The following HLTF variants were observed in gnomAD, a reference collection of about 807,000 sequenced individuals.
The protein encoded by HLTF is helicase like transcription factor.
Under a neutral mutation model 129.4 loss-of-function variants are expected in HLTF, and 127 were observed. That is an observed-to-expected ratio of 0.98 (90% CI 0.85 to 1.14). HLTF has a LOEUF of 1.14. HLTF is among the 50% of genes most tolerant of loss of function. The pLI is 0.00. For synonymous variants in HLTF, 332 were observed against 388.8 expected (o/e 0.85, Z 1.72); for missense variants, 1,139 against 1,187.1 (o/e 0.96, Z 0.60).
In HLTF at chr3:149,070,816, G is replaced by A. The variant is rs142727377; in HGVS notation, c.894+436C>T. Among the ~76,000 whole-genome samples the A allele has an allele frequency of 6.4e-3, 981 of 152,236 alleles. 7 individuals carry two copies. The highest frequency in any genetic ancestry group is 0.022 in the African/African-American group (913 of 41,544). On this transcript the variant is annotated intron_variant, in intron 7 of 24. Transcript: ENST00000310053. ...CCCCAGCACTTTGGGAGGCCAAGGC[G>A]GGCGGATCACTTGAAGTCAGGAGTT...
intron 4 of HLTF, among the ~76,000 whole-genome samples, chr3:149,073,554 C>T (rs529347997): frequency 2.6e-5 from 4 of 152,060 alleles, no homozygotes; most frequent in Non-Finnish European, 4.4e-5. Context: ...ATTAGCAGAG[C>T]GTGATGGTGT....
At chr3:149,047,881 G>T in intron 17 of HLTF, 147 bp downstream of exon 17, 1 of 502,430 alleles carries the variant, frequency 2.0e-6, no homozygotes, top group South Asian at 4.7e-5. Context: ...GCATCACTAG[G>T]TTCTGAAAGA....
rs1715460191 is a variant in HLTF, at chr3:149,035,144, T to C, written c.2797-146A>G. 22 of 661,430 alleles carry C rather than the reference T, an allele frequency of 3.3e-5. 1 individual carries two copies. In the South Asian group the frequency reaches 3.6e-4, roughly 11 times the overall value. 41.0% of individuals were successfully genotyped at this position (661,430 alleles called of 1,614,324 possible). Reference sequence around the variant, plus strand: ...TCAGATACTAACATCACAAATACTCTGGGGAAAAATCCACCCTCCCAATCA... The same window carrying C: ...TCAGATACTAACATCACAAATACTCCGGGGAAAAATCCACCCTCCCAATCA... On this transcript the variant is annotated intron_variant, in intron 23 of 24. Coordinates refer to ENST00000310053, the MANE Select transcript of HLTF (RefSeq NM_003071.4).
intron 7 of HLTF, 46 bp downstream of exon 7, chr3:149,071,206 A>G (rs778843346): frequency 8.1e-7 from 1 of 1,236,930 alleles, no homozygotes. Flanking sequence ...CTAGAAAATC[A>G]TAATCACAAA....
chr3:149,032,391 A>T lies in HLTF; in HGVS notation c.2878-19T>A, dbSNP rs762802534. The stretch of plus-strand genomic sequence containing the variant: ...CAATGAACTTTAAAAAGAAAAAAAA[A>T]AGTTAAGTAGTTTTTAAGGCATAGT... On this transcript the variant is annotated intron_variant, in intron 24 of 24. Transcript: ENST00000310053. 2 of 1,409,816 alleles carry T rather than the reference A, an allele frequency of 1.4e-6. No homozygotes were observed. The highest frequency in any genetic ancestry group is 1.9e-6 in the Non-Finnish European group (2 of 1,050,888). The allele number at this position is 1,409,816 out of a possible 1,614,324, so 87.3% of individuals were successfully genotyped here. A position where few individuals can be genotyped will look rare whatever the true frequency, so the allele number is the denominator to read the frequency against.
rs1452438641 is a variant in HLTF, at chr3:149,084,662, T to C, written c.228+20A>G. On this transcript the variant is annotated intron_variant, in intron 2 of 24. Transcript: ENST00000310053. ...CGCCAGAAATATAATCAAAATTTAA[T>C]TATCTACTATTATACTCACTACTCC... 31 of 1,496,788 alleles carry C rather than the reference T, an allele frequency of 2.1e-5. No homozygotes were observed. The highest frequency in any genetic ancestry group is 2.7e-5 in the Non-Finnish European group (30 of 1,098,608). 92.7% of individuals were successfully genotyped at this position (1,496,788 alleles called of 1,614,324 possible).
chr3:149,085,437 C>T (rs1720281169), intron 1 of HLTF, among the ~76,000 whole-genome samples: 1 of 152,046 alleles, frequency 6.6e-6, no homozygotes, highest in Admixed American at 6.5e-5. Flanking sequence ...TGCAGCGAGC[C>T]GAGATTGTGC....
At position 149,046,190 on chromosome 3, in the gene HLTF, A is replaced by G; in HGVS notation, c.1962T>C (p.Pro654=). Residue 654 remains proline (P), a synonymous_variant, in exon 18 of 25, where the codon CCT becomes CCC. Transcript: ENST00000310053. Reference sequence around the variant, plus strand: ...CTTTACGTTCTGGTAACTCCAAAACAGGTTTTCCTTTAATTTTGCTTGTCT... The same window carrying G: ...CTTTACGTTCTGGTAACTCCAAAACGGGTTTTCCTTTAATTTTGCTTGTCT... The part of the protein sequence containing the change: ...RTKTSKIKGK[P]VLELPERKVF... The G allele has an allele frequency of 6.2e-7, 1 of 1,607,854 alleles. No homozygotes were observed.
chr3:149,030,927 A>G lies in HLTF; in HGVS notation c.*1293T>C, dbSNP rs1714963488. 6.6e-6 allele frequency: 1 copy of G among 152,190 alleles called. No homozygotes were observed. Among genetic ancestry groups the G allele is most frequent in the African/African-American group, 2.4e-5 (1 of 41,450 alleles). 9.4% of individuals were successfully genotyped at this position (152,190 alleles called of 1,614,324 possible). ...ACATTGTCTCCGATCTCATCTTTCT[A>G]TCAAATGACTTCCAACACTCTTAAG... On this transcript the variant is annotated 3_prime_UTR_variant, in exon 25 of 25. Transcript: ENST00000310053.
Position 149,046,140 on chromosome 3 carries a change from G to A in HLTF, c.2012C>T (p.Ser671Leu), listed in dbSNP as rs765649881. Reference sequence around the variant, plus strand: ...CTGATAAATCTTTCTCTCTTCATCTGAAAGTGTAATGTGCTGAATAAATAC... The same window carrying A: ...CTGATAAATCTTTCTCTCTTCATCTAAAAGTGTAATGTGCTGAATAAATAC... ...RKVFIQHITL[S>L]DEERKIYQSV... The change falls in exon 18 of 25, where the codon TCA (serine) becomes TTA (leucine). Residue 671 changes from serine (S) to leucine (L), a missense_variant. Physicochemically the swap from Ser to Leu is moderately radical, Grantham distance 145 (BLOSUM62 -2). Transcript: ENST00000310053. 5 of 1,611,026 alleles carry A rather than the reference G, an allele frequency of 3.1e-6. No homozygotes were observed.
At chr3:149,054,705 C>A (rs952790492) in intron 14 of HLTF, among the ~76,000 whole-genome samples, 84 of 152,168 alleles carry the variant, frequency 5.5e-4, no homozygotes, top group African/African-American at 2.0e-3. Flanking sequence ...AAAAAAATTT[C>A]TGATGGGTAG....
intron 18 of HLTF, among the ~76,000 whole-genome samples, chr3:149,043,917 G>A (rs1716331238): frequency 6.6e-6 from 1 of 152,118 alleles, no homozygotes; most frequent in Admixed American, 6.5e-5. Flanking sequence ...AATAGTGCCT[G>A]GACTATATTA....
chr3:149,063,358 C>T, intron 10 of HLTF, 73 bp downstream of exon 10: 1 of 1,029,194 alleles, frequency 9.7e-7, no homozygotes, highest in South Asian at 1.3e-5. Flanking sequence ...CCGTGCCCAG[C>T]CTCTATCTCT....
In HLTF at chr3:149,075,903, T is replaced by G; in HGVS notation, c.373A>C (p.Asn125His). ...LAGALAYIMDNKLAQIEGVVP... is the reference protein window; with the variant it reads ...LAGALAYIMDHKLAQIEGVVP... ...TACCCTTCAATTTGTGCCAATTTGT[T>G]GTCCATGATATAGGCCAAAGCACCT... is the stretch of plus-strand genomic sequence containing the variant. Residue 125 changes from asparagine (N) to histidine (H), a missense_variant, in exon 3 of 25, where the codon AAC becomes CAC. Coordinates refer to ENST00000310053, the MANE Select transcript of HLTF (RefSeq NM_003071.4). 6.3e-7 allele frequency: 1 copy of G among 1,598,616 alleles called. No homozygotes were observed. Among genetic ancestry groups the G allele is most frequent in the Non-Finnish European group, 8.5e-7 (1 of 1,174,558 alleles).
At chr3:149,037,330 G>A (rs932894067) in intron 23 of HLTF, among the ~76,000 whole-genome samples, 3 of 151,820 alleles carry the variant, frequency 2.0e-5, no homozygotes, top group Admixed American at 6.6e-5. Flanking sequence ...TTAGCCACGC[G>A]TGGTGGCAGG....
At chr3:149,044,666 A>T (rs1049964982) in intron 18 of HLTF, among the ~76,000 whole-genome samples, 1 of 152,092 alleles carries the variant, frequency 6.6e-6, no homozygotes, top group Non-Finnish European at 1.5e-5. Flanking sequence ...TGAGCTTCTG[A>T]TCTTAGCTTA....
chr3:149,033,963 TA>T (rs1055469621), intron 24 of HLTF, among the ~76,000 whole-genome samples: 6 of 152,094 alleles, frequency 3.9e-5, no homozygotes, highest in African/African-American at 1.4e-4. Flanking sequence ...TCAACATACA[TA>T]AACAAAAGAT....
At chr3:149,042,088 C>A in intron 19 of HLTF, 78 bp downstream of exon 19, 2 of 1,284,260 alleles carry the variant, frequency 1.6e-6, no homozygotes, top group Non-Finnish European at 2.2e-6. Flanking sequence ...TAAATGTATG[C>A]CACATAAAAA....
intron 18 of HLTF, among the ~76,000 whole-genome samples, chr3:149,044,348 A>G (rs1416521492): frequency 6.6e-6 from 1 of 152,140 alleles, no homozygotes; most frequent in Non-Finnish European, 1.5e-5. Flanking sequence ...AAATAGAATA[A>G]CCTTTACTAA....
Sources: gnomAD v4.1 joint callset for allele counts (sites outside exome capture counted in the v4.1 genomes callset) on GRCh38, gnomAD v4.1.1 for gene constraint, MANE v1.5 for transcripts, NCBI Gene and HGNC (gene_info 2026-07-23, HGNC 2026-07-21) for gene names.